The following ATP13A4 variants were observed in gnomAD, a reference collection of about 807,000 sequenced individuals.
The protein encoded by ATP13A4 is ATPase 13A4.
In ATP13A4, 114 loss-of-function variants were observed where a neutral mutation model predicts 142.5. The ratio of observed to expected loss-of-function variants is 0.80; its 90% CI spans 0.69 to 0.93. ATP13A4 has a LOEUF of 0.93. Among genes scored for constraint, ATP13A4 ranks in the 40% least tolerant of loss-of-function variants. The pLI is 0.00. For synonymous variants in ATP13A4, 488 were observed against 514.8 expected (o/e 0.95, Z 0.70); for missense variants, 1,392 against 1,454.0 (o/e 0.96, Z 0.69).
Position 193,399,877 on chromosome 3 carries a change from C to G in ATP13A4, c.*2775G>C, listed in dbSNP as rs562408290. On this transcript the variant is annotated 3_prime_UTR_variant, in exon 30 of 30. Coordinates refer to ENST00000342695, the MANE Select transcript of ATP13A4 (RefSeq NM_032279.4). Reference sequence around the variant, plus strand: ...AAAAAAAAAAAAAAAAGGTTCACATCACAGCATAAGACTGAGACACTGGGT... The same window carrying G: ...AAAAAAAAAAAAAAAAGGTTCACATGACAGCATAAGACTGAGACACTGGGT... Among the ~76,000 whole-genome samples the G allele has an allele frequency of 3.4e-5, 5 of 145,966 alleles. No individual in the cohort carries two copies. The South Asian group carries it at 1.1e-3, about 33-fold the overall frequency.
In ATP13A4 at chr3:193,411,072, T is replaced by G; in HGVS notation, c.3209-2A>C. ...TTATCAGCACAAGGACAAATATATC[T>G]GAGGAAATAAGAACACAAGGTATTA... is the stretch of plus-strand genomic sequence containing the variant. On this transcript the variant is annotated splice_acceptor_variant, in intron 27 of 29. Coordinates refer to ENST00000342695, the MANE Select transcript of ATP13A4 (RefSeq NM_032279.4). LOFTEE classifies it high-confidence loss of function. 1 of 1,595,616 alleles carries G rather than the reference T, an allele frequency of 6.3e-7. No individual in the cohort carries two copies. Among genetic ancestry groups the G allele is most frequent in the Non-Finnish European group, 8.6e-7 (1 of 1,163,422 alleles).
chr3:193,518,553 T>C (rs1026874041), intron 1 of ATP13A4, among the ~76,000 whole-genome samples: 1 of 152,212 alleles, frequency 6.6e-6, no homozygotes, highest in South Asian at 2.1e-4. Context: ...ATGCAGATTA[T>C]TGTCAAAGTC....
In ATP13A4 at chr3:193,506,832, C is replaced by A. The variant is rs149821913; in HGVS notation, c.235-4193G>T. Among the ~76,000 whole-genome samples, 247 of 152,286 alleles carry A rather than the reference C, an allele frequency of 1.6e-3. 1 individual carries two copies. The highest frequency in any genetic ancestry group is 0.01 in the South Asian group (50 of 4,822). ...AAGAAGGATGTGTTTGCTTCCCCTT[C>A]CACCATGATTGTAAGTTTCCTGAGG... On this transcript the variant is annotated intron_variant, in intron 2 of 29. Transcript: ENST00000342695.
intron 8 of ATP13A4, among the ~76,000 whole-genome samples, chr3:193,479,102 T>C (rs138113887): frequency 8.6e-4 from 131 of 152,258 alleles, no homozygotes; most frequent in African/African-American, 2.9e-3. Context: ...AAAATTGGCA[T>C]AGAAGGGACA....
At chr3:193,469,552 C>T (rs6771577) in intron 9 of ATP13A4, among the ~76,000 whole-genome samples, 33,881 of 152,108 alleles carry the variant, frequency 0.22, 3,839 homozygotes, top group South Asian at 0.33. Context: ...TGCTTGAACC[C>T]GGGAGGCAGA....
At chr3:193,445,716 C>T (rs1013728152) in intron 18 of ATP13A4, among the ~76,000 whole-genome samples, 1 of 152,096 alleles carries the variant, frequency 6.6e-6, no homozygotes, top group Non-Finnish European at 1.5e-5. Context: ...GAGATCAGGT[C>T]ACTGCACTCC....
At chr3:193,438,379 G>C (rs1299436069) in intron 23 of ATP13A4, 96 bp downstream of exon 23, 1 of 1,022,692 alleles carries the variant, frequency 9.8e-7, no homozygotes, top group Non-Finnish European at 1.5e-6. Context: ...CGCACCCAGG[G>C]ACAGAAAGTT....
At chr3:193,492,274 A>G (rs1719985337) in intron 5 of ATP13A4, among the ~76,000 whole-genome samples, 1 of 152,218 alleles carries the variant, frequency 6.6e-6, no homozygotes, top group South Asian at 2.1e-4. Flanking sequence ...ATAGAAACTT[A>G]GAACAGCAAG....
chr3:193,441,792 A>C (rs949078531), intron 19 of ATP13A4, among the ~76,000 whole-genome samples: 1 of 152,212 alleles, frequency 6.6e-6, no homozygotes, highest in Non-Finnish European at 1.5e-5. Flanking sequence ...ACACTTACTC[A>C]TGTCCTGTTT....
intron 2 of ATP13A4, among the ~76,000 whole-genome samples, chr3:193,576,334 C>G (rs540531798): frequency 0.023 from 2,852 of 125,656 alleles, 79 homozygotes; most frequent in African/African-American, 0.084. Context: ...TGCAGTGGTG[C>G]AATCTCGGCT....
chr3:193,486,414 G>A (rs1398280608), intron 7 of ATP13A4, among the ~76,000 whole-genome samples: 2 of 152,190 alleles, frequency 1.3e-5, no homozygotes, highest in African/African-American at 2.4e-5. Flanking sequence ...CGTAATAGTG[G>A]TAGGGTGGAA....
chr3:193,453,206 T>C lies in ATP13A4; in HGVS notation c.2027+895A>G, dbSNP rs149463622. Among the ~76,000 whole-genome samples, 557 of 152,356 alleles carry C rather than the reference T, an allele frequency of 3.7e-3. 4 individuals are homozygous for C. The Middle Eastern group carries it at 0.041, about 11-fold the overall frequency. ...ATGTTTTGCTTTCATTCTTACTATA[T>C]AATGGGTTATTATATATTTTTACAA... On this transcript the variant is annotated intron_variant, in intron 17 of 29. Transcript: ENST00000342695.
rs1019879315 is a variant in ATP13A4, at chr3:193,400,903, A to G, written c.*1749T>C. 2.0e-5 allele frequency among the ~76,000 whole-genome samples: 3 copies of G among 152,224 alleles called. No homozygotes were observed. Among genetic ancestry groups the G allele is most frequent in the African/African-American group, 7.2e-5 (3 of 41,474 alleles). On this transcript the variant is annotated 3_prime_UTR_variant, in exon 30 of 30. Transcript: ENST00000342695. The stretch of plus-strand genomic sequence containing the variant: ...AGAGAAGGACATTCAGAACTGCCAT[A>G]TCATTGCTGAGGCTGGCTTTGCAAA...
intron 1 of ATP13A4, among the ~76,000 whole-genome samples, chr3:193,525,052 T>C (rs1041552176): frequency 1.3e-5 from 2 of 152,224 alleles, no homozygotes; most frequent in African/African-American, 4.8e-5. Flanking sequence ...CTTCAGTTTG[T>C]CTGTTCAAAC....
chr3:193,585,028 T>C (rs1724641534), intron 1 of ATP13A4, among the ~76,000 whole-genome samples: 1 of 152,214 alleles, frequency 6.6e-6, no homozygotes, highest in Non-Finnish European at 1.5e-5. Flanking sequence ...TAAATCAAGC[T>C]TGTCCATCCT....
chr3:193,461,555 T>G (rs547387351), intron 13 of ATP13A4, among the ~76,000 whole-genome samples: 1 of 152,350 alleles, frequency 6.6e-6, no homozygotes, highest in African/African-American at 2.4e-5. Context: ...GAGGATCACT[T>G]TTTTAATCCA....
At chr3:193,549,505 A>G (rs961030889) in intron 1 of ATP13A4, among the ~76,000 whole-genome samples, 1 of 152,018 alleles carries the variant, frequency 6.6e-6, no homozygotes, top group African/African-American at 2.4e-5. Flanking sequence ...TTTTTTTTAA[A>G]GTAGAGATAG....
In ATP13A4 at chr3:193,592,382, T is replaced by C. The variant is rs1402432691; in HGVS notation, n.91+639A>G. 2.0e-5 allele frequency among the ~76,000 whole-genome samples: 3 copies of C among 151,840 alleles called. No homozygotes were observed. The East Asian group carries it at 5.8e-4, about 29-fold the overall frequency. ...TCTGGGCCTGTCCAACATTGAGAAA[T>C]TTGGGAGGGGAGCCATCAAAGAAGC... On this transcript the variant is annotated intron_variant and non_coding_transcript_variant, in intron 1 of 3. Coordinates refer to the ATP13A4 transcript ENST00000489140.
chr3:193,417,763 A>G (rs559612866), intron 25 of ATP13A4, among the ~76,000 whole-genome samples: 5 of 150,646 alleles, frequency 3.3e-5, no homozygotes, highest in Middle Eastern at 3.4e-3. Context: ...AGGCAGGTGG[A>G]TCACGAGGTC....
Sources: gnomAD v4.1 joint callset for allele counts (sites outside exome capture counted in the v4.1 genomes callset) on GRCh38, gnomAD v4.1.1 for gene constraint, MANE v1.5 for transcripts, NCBI Gene and HGNC (gene_info 2026-07-23, HGNC 2026-07-21) for gene names.